Variants in LUZP2 observed in about 807,000 individuals in gnomAD.
LUZP2 encodes the protein leucine zipper protein 2.
A neutral mutation model predicts 51.6 loss-of-function variants in LUZP2; 52 were observed. That is an observed-to-expected ratio of 1.01 (90% CI 0.81 to 1.27). The LOEUF (loss-of-function observed/expected upper bound fraction) is 1.27, where lower values mean the gene tolerates loss of function less well. Ranked by LOEUF, LUZP2 falls within the 50% of genes most tolerant of loss-of-function variation. The pLI is 0.00. For synonymous variants in LUZP2, 154 were observed against 137.3 expected, an observed-to-expected ratio of 1.12 and a Z score of -0.85; for missense variants, 436 against 395.4, an observed-to-expected ratio of 1.10 and a Z score of -0.87.
chr11:24,748,504 G>A (rs909327508), intron 4 of LUZP2, among the ~76,000 whole-genome samples: 1 of 151,340 alleles, frequency 6.6e-6, no homozygotes, highest in African/African-American at 2.4e-5. Flanking sequence ...TCTGTGGTCA[G>A]GCTGGAGTGC....
At chr11:24,574,269 T>C (rs1370364690) in intron 1 of LUZP2, among the ~76,000 whole-genome samples, 7 of 71,306 alleles carry the variant, frequency 9.8e-5, no homozygotes, top group African/African-American at 2.6e-4. Flanking sequence ...TCTTGCTTTC[T>C]TTCTTTCTTT....
At position 25,078,654 on chromosome 11, in the gene LUZP2, T is replaced by A; in HGVS notation, c.1037T>A (p.Leu346Gln). 6.3e-7 allele frequency: 1 copy of A among 1,597,348 alleles called. No individual in the cohort carries two copies. The highest frequency in any genetic ancestry group is 8.5e-7 in the Non-Finnish European group (1 of 1,172,962). ...EGMAAREEKI[L>Q] The stretch of plus-strand genomic sequence containing the variant: ...ATGGCAGCTAGAGAAGAAAAAATAC[T>A]GTAAATACTAAGAAACTGTGTTAAA... The change falls in exon 12 of 12, where the codon CTG becomes CAG. Residue 346 changes from leucine (L) to glutamine (Q), a missense_variant. Physicochemically the swap from Leu to Gln is moderately radical, Grantham distance 113 (BLOSUM62 -2). Transcript: ENST00000336930.
At position 24,616,946 on chromosome 11, in the gene LUZP2, T is replaced by C. The variant is rs143488301; in HGVS notation, c.63-112223T>C. Among the ~76,000 whole-genome samples the C allele has an allele frequency of 3.3e-3, 497 of 152,340 alleles. 4 individuals are homozygous for C. The highest frequency in any genetic ancestry group is 0.012 in the African/African-American group (479 of 41,580). On this transcript the variant is annotated intron_variant, in intron 1 of 11. Transcript: ENST00000336930. ...ATGGTAAATCTTGGTATATACTCCATAGGCACTTGAAAAGAATGTATTCGG... is the reference window on the plus strand; with the variant it reads ...ATGGTAAATCTTGGTATATACTCCACAGGCACTTGAAAAGAATGTATTCGG...
chr11:24,933,127 T>A (rs1854501391), intron 7 of LUZP2, among the ~76,000 whole-genome samples: 1 of 152,204 alleles, frequency 6.6e-6, no homozygotes, highest in Non-Finnish European at 1.5e-5. Context: ...GGGTGCACAA[T>A]CCTCCTTTCA....
At chr11:24,876,281 G>T (rs1310776901) in intron 5 of LUZP2, among the ~76,000 whole-genome samples, 10 of 149,746 alleles carry the variant, frequency 6.7e-5, no homozygotes, top group Non-Finnish European at 1.2e-4. Context: ...TGTATAAGAT[G>T]TAAGGAAGGG....
intron 7 of LUZP2, among the ~76,000 whole-genome samples, chr11:24,925,622 A>T (rs1854202667): frequency 1.3e-5 from 2 of 152,140 alleles, no homozygotes; most frequent in Admixed American, 6.5e-5. Flanking sequence ...TATCAGAAAC[A>T]ATGACAAGTG....
At position 24,601,988 on chromosome 11, in the gene LUZP2, G is replaced by A. The variant is rs1233289632; in HGVS notation, c.62+104683G>A. 3.3e-3 allele frequency among the ~76,000 whole-genome samples: 218 copies of A among 65,722 alleles called. 3 individuals carry two copies. Among genetic ancestry groups the A allele is most frequent in the African/African-American group, 0.014 (192 of 13,478 alleles). The allele number at this position is 65,722 out of a possible 152,430, so 43.1% of individuals were successfully genotyped here. A position where few individuals can be genotyped will look rare whatever the true frequency, so the allele number is the denominator to read the frequency against. On this transcript the variant is annotated intron_variant, in intron 1 of 11. Transcript: ENST00000336930. ...TATATATGTGTATATGTATATATAT[G>A]TGTATATATGTATATATATGTATAT...
chr11:25,039,293 C>T (rs1349489582), intron 9 of LUZP2, among the ~76,000 whole-genome samples: 3 of 152,026 alleles, frequency 2.0e-5, no homozygotes, highest in Admixed American at 6.6e-5. Context: ...ATGCAAAAGG[C>T]TTTCAGGCTG....
chr11:24,759,102 A>G (rs188773811), intron 4 of LUZP2, among the ~76,000 whole-genome samples: 3 of 152,268 alleles, frequency 2.0e-5, no homozygotes, highest in African/African-American at 7.2e-5. Context: ...GACAGCAGTG[A>G]AGAATGGGCT....
At chr11:24,540,907 T>G (rs1340250114) in intron 1 of LUZP2, among the ~76,000 whole-genome samples, 1 of 152,004 alleles carries the variant, frequency 6.6e-6, no homozygotes, top group Non-Finnish European at 1.5e-5. Flanking sequence ...AAAACATAAT[T>G]TAAATAATTG....
intron 5 of LUZP2, among the ~76,000 whole-genome samples, chr11:24,823,046 A>G (rs1850407988): frequency 6.6e-6 from 1 of 152,202 alleles, no homozygotes; most frequent in African/African-American, 2.4e-5. Context: ...TGGAAATACA[A>G]TGAAGAACTA....
intron 1 of LUZP2, among the ~76,000 whole-genome samples, chr11:24,565,143 C>T (rs1852173941): frequency 6.6e-6 from 1 of 152,126 alleles, no homozygotes; most frequent in South Asian, 2.1e-4. Context: ...GGGATTGTCA[C>T]TGATGTACCA....
At chr11:24,587,895 T>C (rs894372729) in intron 1 of LUZP2, among the ~76,000 whole-genome samples, 4 of 152,070 alleles carry the variant, frequency 2.6e-5, no homozygotes, top group African/African-American at 9.7e-5. Flanking sequence ...AAATGTTCCA[T>C]GGATGCTGGA....
rs550291602 is a variant in LUZP2 at position 24,785,556 on chromosome 11, A to G, written c.396+22248A>G. On this transcript the variant is annotated intron_variant, in intron 5 of 11. Transcript: ENST00000336930. Reference sequence around the variant, plus strand: ...TTATATTGTCATTATGAATATAATGACAATATAAATATAAGAAGAGTATGA... The same window carrying G: ...TTATATTGTCATTATGAATATAATGGCAATATAAATATAAGAAGAGTATGA... Among the ~76,000 whole-genome samples, 30 of 152,076 alleles carry G rather than the reference A, an allele frequency of 2.0e-4. No individual in the cohort carries two copies. In the South Asian group the frequency reaches 2.1e-3, roughly 11 times the overall value.
chr11:24,722,226 G>A (rs988552205), intron 1 of LUZP2, among the ~76,000 whole-genome samples: 9 of 152,086 alleles, frequency 5.9e-5, no homozygotes, highest in African/African-American at 2.2e-4. Context: ...TATTAATTTG[G>A]TCTATATTTG....
chr11:24,777,220 T>C (rs1985731), intron 5 of LUZP2, among the ~76,000 whole-genome samples: 104,496 of 151,708 alleles, frequency 0.69, 36,097 homozygotes, highest in African/African-American at 0.72. Flanking sequence ...GTCTTGATCT[T>C]CTGACATTGT....
At chr11:24,732,263 T>A in intron 3 of LUZP2, 75 bp downstream of exon 3, 1 of 1,044,570 alleles carries the variant, frequency 9.6e-7, no homozygotes, top group Non-Finnish European at 1.4e-6. Flanking sequence ...CAAAATTTAT[T>A]GATTCTAAAT....
intron 5 of LUZP2, among the ~76,000 whole-genome samples, chr11:24,773,736 A>G (rs145125569): frequency 2.0e-5 from 3 of 152,214 alleles, no homozygotes; most frequent in African/African-American, 7.2e-5. Context: ...ATCTCCACCT[A>G]GGAGTATGTT....
chr11:25,072,724 C>T (rs1859192111), intron 10 of LUZP2, among the ~76,000 whole-genome samples: 1 of 151,866 alleles, frequency 6.6e-6, no homozygotes, highest in African/African-American at 2.4e-5. Context: ...ATGTTGTTTC[C>T]AAGGGAGCTT....
Sources: allele counts gnomAD v4.1 joint callset (sites outside exome capture counted in the v4.1 genomes callset), GRCh38; gene constraint gnomAD v4.1.1; transcripts MANE v1.5; gene names NCBI Gene and HGNC (gene_info 2026-07-23, HGNC 2026-07-21).